Variants in ATP2B2 observed in about 807,000 individuals in gnomAD.
ATP2B2 encodes the protein plasma membrane calcium-transporting ATPase 2.
In ATP2B2, 15 loss-of-function variants were observed where a neutral mutation model predicts 120.0. The ratio of observed to expected loss-of-function variants is 0.12; its 90% CI spans 0.08 to 0.19. The LOEUF (loss-of-function observed/expected upper bound fraction) is 0.19, where lower values mean the gene tolerates loss of function less well. Among genes scored for constraint, ATP2B2 ranks in the 10% least tolerant of loss-of-function variants. ATP2B2 has a pLI of 1.00. For synonymous variants in ATP2B2, 694 were observed against 700.3 expected (o/e 0.99, Z 0.14); for missense variants, 1,045 against 1,719.8 (o/e 0.61, Z 6.94).
intron 5 of ATP2B2, among the ~76,000 whole-genome samples, chr3:10,390,051 A>G (rs556882680): frequency 6.6e-6 from 1 of 152,152 alleles, no homozygotes; most frequent in South Asian, 2.1e-4. Flanking sequence ...AGAAAGCTGT[A>G]TATGATGCAG....
At chr3:10,385,358 A>G (rs2061645497) in intron 7 of ATP2B2, 31 bp from the exon 8 acceptor site, 2 of 1,603,990 alleles carry the variant, frequency 1.2e-6, no homozygotes, top group Non-Finnish European at 1.7e-6. Flanking sequence ...TGGAAAATGC[A>G]GTGTCACAAT....
chr3:10,388,113 G>T, intron 6 of ATP2B2, 164 bp downstream of exon 6: 1 of 961,806 alleles, frequency 1.0e-6, no homozygotes, highest in Non-Finnish European at 1.6e-6. Flanking sequence ...AACAGACAGA[G>T]CCTACCTGGC....
intron 22 of ATP2B2, chr3:10,331,901 G>C (rs1389567655): frequency 1.4e-6 from 2 of 1,392,284 alleles, no homozygotes; most frequent in Non-Finnish European, 2.0e-6. Context: ...CTACATACTC[G>C]AATGTTTACC....
At chr3:10,665,678 AT>A (rs757317447) in intron 1 of ATP2B2, among the ~76,000 whole-genome samples, 12 of 152,344 alleles carry the variant, frequency 7.9e-5, no homozygotes, top group Non-Finnish European at 1.3e-4. Context: ...CTTGGAGGGC[AT>A]GCCAAATCTC....
In ATP2B2 at chr3:10,444,488, G is replaced by C. The variant is rs1188951519; in HGVS notation, c.199+4857C>G. Among the ~76,000 whole-genome samples, 4 of 152,286 alleles carry C rather than the reference G, an allele frequency of 2.6e-5. No individual in the cohort carries two copies. In the East Asian group the frequency reaches 5.8e-4, roughly 22 times the overall value. On this transcript the variant is annotated intron_variant, in intron 2 of 22. Transcript: ENST00000360273. ...TGATCTGCTCTCTCGTCCTCCCTCA[G>C]CCCCGCTCTCTCCTCCACTTGGGCA...
intron 2 of ATP2B2, among the ~76,000 whole-genome samples, chr3:10,433,620 C>A (rs1432456426): frequency 6.6e-6 from 1 of 152,094 alleles, no homozygotes. Flanking sequence ...CAAGACGAAA[C>A]CATGAAGGTT....
At chr3:10,627,137 G>A (rs370030528) in intron 1 of ATP2B2, among the ~76,000 whole-genome samples, 5 of 152,232 alleles carry the variant, frequency 3.3e-5, no homozygotes, top group African/African-American at 1.2e-4. Context: ...CCTGCCAGAT[G>A]CCAAAGCTTC....
At chr3:10,393,951 G>A (rs1410510430) in intron 5 of ATP2B2, among the ~76,000 whole-genome samples, 1 of 152,224 alleles carries the variant, frequency 6.6e-6, no homozygotes, top group African/African-American at 2.4e-5. Context: ...GCCTTCTGCT[G>A]TGGCTTGTGG....
chr3:10,521,132 G>A (rs1397284876), intron 3 of ATP2B2, among the ~76,000 whole-genome samples: 2 of 152,230 alleles, frequency 1.3e-5, no homozygotes, highest in African/African-American at 2.4e-5. Context: ...GACTTCCGGG[G>A]CACACATCCC....
At chr3:10,523,162 G>C (rs1241474485) in intron 3 of ATP2B2, among the ~76,000 whole-genome samples, 1 of 152,206 alleles carries the variant, frequency 6.6e-6, no homozygotes, top group African/African-American at 2.4e-5. Context: ...TCCTCCACAA[G>C]TGTCATATTC....
At chr3:10,528,777 CG>C (rs1296865580) in intron 3 of ATP2B2, among the ~76,000 whole-genome samples, 1 of 152,238 alleles carries the variant, frequency 6.6e-6, no homozygotes, top group Non-Finnish European at 1.5e-5. Flanking sequence ...CGACTTCCTT[CG>C]CTTCCCAGCC....
intron 2 of ATP2B2, among the ~76,000 whole-genome samples, chr3:10,579,904 G>A (rs559598191): frequency 6.6e-6 from 1 of 152,292 alleles, no homozygotes; most frequent in African/African-American, 2.4e-5. Flanking sequence ...CCCCTTCCAT[G>A]AATGTAGCAC....
At chr3:10,384,471 C>T (rs780577068) in intron 8 of ATP2B2, among the ~76,000 whole-genome samples, 7 of 152,158 alleles carry the variant, frequency 4.6e-5, no homozygotes, top group South Asian at 4.1e-4. Context: ...AAAGCCTTGT[C>T]TGTTGCTCTG....
At position 10,343,771 on chromosome 3, in the gene ATP2B2, A is replaced by T. The variant is rs567152274; in HGVS notation, c.2704-806T>A. Among the ~76,000 whole-genome samples the T allele has an allele frequency of 2.0e-5, 3 of 151,992 alleles. No homozygotes were observed. The South Asian group carries it at 6.2e-4, about 32-fold the overall frequency. ...CAGGACCTCTTCTCGGCCAGATGTCACTGACCTCGCCCCTGCACTCCCACT... is the reference window on the plus strand; with the variant it reads ...CAGGACCTCTTCTCGGCCAGATGTCTCTGACCTCGCCCCTGCACTCCCACT... On this transcript the variant is annotated intron_variant, in intron 18 of 22. Transcript: ENST00000360273. The surrounding 1 kb of genome is among the most constrained non-coding windows in gnomAD (Gnocchi z 4.2).
intron 1 of ATP2B2, among the ~76,000 whole-genome samples, chr3:10,498,189 T>C (rs919593086): frequency 1.3e-5 from 2 of 152,190 alleles, no homozygotes; most frequent in African/African-American, 4.8e-5. Flanking sequence ...GGCAGTGTTG[T>C]CATCTCCATT....
At chr3:10,587,154 A>G (rs1446006102) in intron 2 of ATP2B2, among the ~76,000 whole-genome samples, 2 of 151,996 alleles carry the variant, frequency 1.3e-5, no homozygotes, top group Admixed American at 6.6e-5. Flanking sequence ...CAAAACAAAA[A>G]ATTAGCTGTG....
chr3:10,346,214 G>T lies in ATP2B2; in HGVS notation c.2405-77C>A. The T allele has an allele frequency of 6.9e-7, 1 of 1,450,866 alleles. No homozygotes were observed. Among genetic ancestry groups the T allele is most frequent in the East Asian group, 2.3e-5 (1 of 43,318 alleles). 89.9% of individuals were successfully genotyped at this position (1,450,866 alleles called of 1,614,324 possible). Reference sequence around the variant, plus strand: ...CCTGGGCCAGCCCTGGTCCTCGGGAGGGGCCTGGCTGGGCATGGCTTCCTC... The same window carrying T: ...CCTGGGCCAGCCCTGGTCCTCGGGATGGGCCTGGCTGGGCATGGCTTCCTC... On this transcript the variant is annotated intron_variant, in intron 16 of 22. Transcript: ENST00000360273. This position sits in a 1 kb window ranked among gnomAD's most constrained non-coding sequence, Gnocchi z 4.1.
At chr3:10,543,837 C>T (rs555206520) in intron 2 of ATP2B2, among the ~76,000 whole-genome samples, 189 of 151,440 alleles carry the variant, frequency 1.2e-3, no homozygotes, top group African/African-American at 4.4e-3. Context: ...CTCCTGGGTT[C>T]GAGAAATTCT....
At chr3:10,521,607 G>A (rs558832301) in intron 3 of ATP2B2, among the ~76,000 whole-genome samples, 11 of 152,352 alleles carry the variant, frequency 7.2e-5, no homozygotes, top group African/African-American at 2.6e-4. Flanking sequence ...TGGAAACTGT[G>A]TAAAGTGATT....
Sources: gnomAD v4.1 joint callset for allele counts (sites outside exome capture counted in the v4.1 genomes callset) on GRCh38, gnomAD v4.1.1 for gene constraint, Gnocchi (gnomAD v3.1) non-coding constraint, MANE v1.5 for transcripts, NCBI Gene and HGNC (gene_info 2026-07-23, HGNC 2026-07-21) for gene names.